DSCAML1: variants seen among roughly 807,000 people sequenced by gnomAD.
The protein encoded by DSCAML1 is DS cell adhesion molecule like 1.
Under a neutral mutation model 200.5 loss-of-function variants are expected in DSCAML1, and 38 were observed. The ratio of observed to expected loss-of-function variants is 0.19; its 90% CI spans 0.15 to 0.25. The LOEUF (loss-of-function observed/expected upper bound fraction) is 0.25. Ranked by LOEUF, DSCAML1 falls within the 10% of genes least tolerant of loss-of-function variation. DSCAML1 has a pLI of 1.00. For synonymous variants in DSCAML1, 1,215 were observed against 1,165.0 expected, an observed-to-expected ratio of 1.04 and a Z score of -0.87; for missense variants, 2,223 against 2,858.8, an observed-to-expected ratio of 0.78 and a Z score of 5.07.
Position 117,525,093 on chromosome 11 carries a change from A to AG in DSCAML1, c.659-11dup. 6.5e-7 allele frequency: 1 copy of AG among 1,527,136 alleles called. No individual in the cohort carries two copies. Among genetic ancestry groups the AG allele is most frequent in the African/African-American group, 1.4e-5 (1 of 72,082 alleles). The allele number at this position is 1,527,136 out of a possible 1,614,324, so 94.6% of individuals were successfully genotyped here. ...ATCGACTCAGCAGGGTCTGGAAGGC[A>AG]GAGAGGGTCGGCAGCCCTGGCCAGC... On this transcript the variant is annotated splice_polypyrimidine_tract_variant and intron_variant, in intron 4 of 32. Transcript: ENST00000651296.
intron 3 of DSCAML1, among the ~76,000 whole-genome samples, chr11:117,676,773 G>A (rs1332231026): frequency 3.9e-5 from 6 of 152,362 alleles, no homozygotes; most frequent in East Asian, 3.9e-4. Flanking sequence ...CCGATGGGAC[G>A]GCACTGGGAG....
intron 3 of DSCAML1, among the ~76,000 whole-genome samples, chr11:117,745,479 T>A (rs2054502640): frequency 6.6e-6 from 1 of 152,172 alleles, no homozygotes; most frequent in African/African-American, 2.4e-5. Flanking sequence ...CCTCTGGCCC[T>A]CTGCCCTTCC....
intron 3 of DSCAML1, among the ~76,000 whole-genome samples, chr11:117,602,315 G>C (rs1261811661): frequency 6.6e-6 from 1 of 152,212 alleles, no homozygotes; most frequent in East Asian, 1.9e-4. Flanking sequence ...ATGAGTGTGT[G>C]TTTCTGCCCT....
chr11:117,482,104 C>T lies in DSCAML1; in HGVS notation c.2418G>A (p.Lys806=). 1 of 1,614,190 alleles carries T rather than the reference C, an allele frequency of 6.2e-7. No individual in the cohort carries two copies. Among genetic ancestry groups the T allele is most frequent in the Non-Finnish European group, 8.5e-7 (1 of 1,180,008 alleles). ...NTTIAIKGHA[K]ELNCTARGER... is the part of the protein sequence containing the mutation. ...CACCCCGTGCCGTGCAGTTTAGCTC[C>T]TTCGCATGGCCCTTGATGGCGATGG... The change falls in exon 12 of 33, where the codon AAG becomes AAA. Residue 806 remains lysine, a synonymous_variant. Transcript: ENST00000651296.
chr11:117,723,683 C>A (rs563706448), intron 3 of DSCAML1, among the ~76,000 whole-genome samples: 1 of 152,294 alleles, frequency 6.6e-6, no homozygotes, highest in East Asian at 1.9e-4. Flanking sequence ...GCAGCAGTCC[C>A]CTGTTTTTCC....
chr11:117,562,904 C>A (rs1333420549), intron 3 of DSCAML1, among the ~76,000 whole-genome samples: 1 of 152,128 alleles, frequency 6.6e-6, no homozygotes, highest in African/African-American at 2.4e-5. Flanking sequence ...GCTATCAGTT[C>A]CTTCTTTCTA....
chr11:117,532,580 C>G (rs557067109), intron 3 of DSCAML1, 58 bp from the exon 4 acceptor site: 43 of 1,548,430 alleles, frequency 2.8e-5, no homozygotes, highest in Admixed American at 3.7e-5. Context: ...GCCTCAGAGG[C>G]AGGGTAGCGT....
At chr11:117,615,593 T>C (rs937281832) in intron 3 of DSCAML1, among the ~76,000 whole-genome samples, 1 of 152,006 alleles carries the variant, frequency 6.6e-6, no homozygotes, top group Non-Finnish European at 1.5e-5. Context: ...CCCCCAGGTG[T>C]TGGTGGTCGC....
chr11:117,754,595 G>A (rs2054656562), intron 3 of DSCAML1, among the ~76,000 whole-genome samples: 1 of 152,136 alleles, frequency 6.6e-6, no homozygotes, highest in African/African-American at 2.4e-5. Context: ...ACCAGCAGAA[G>A]AAGCAAGGAT....
At chr11:117,674,542 T>C (rs756797409) in intron 3 of DSCAML1, among the ~76,000 whole-genome samples, 1 of 152,118 alleles carries the variant, frequency 6.6e-6, no homozygotes, top group Non-Finnish European at 1.5e-5. Flanking sequence ...TGCCAAGCCC[T>C]CTCACTGGAT....
chr11:117,812,645 C>T (rs964588480), intron 1 of DSCAML1, among the ~76,000 whole-genome samples: 3 of 151,960 alleles, frequency 2.0e-5, no homozygotes, highest in African/African-American at 7.2e-5. Context: ...GCTTCACAGA[C>T]AGCCCCCATT....
chr11:117,668,133 A>G (rs1056987359), intron 3 of DSCAML1, among the ~76,000 whole-genome samples: 1 of 152,228 alleles, frequency 6.6e-6, no homozygotes, highest in Non-Finnish European at 1.5e-5. Flanking sequence ...CTCTTTTAAA[A>G]ATATTCTGAA....
upstream of DSCAML1, among the ~76,000 whole-genome samples, chr11:117,799,388 G>T (rs1303704971): frequency 1.3e-5 from 2 of 152,188 alleles, no homozygotes; most frequent in East Asian, 1.9e-4. Context: ...GCTGGAAGTA[G>T]CGGTGGACCC....
intron 2 of DSCAML1, among the ~76,000 whole-genome samples, chr11:117,778,822 A>G (rs2055179858): frequency 6.6e-6 from 1 of 152,214 alleles, no homozygotes; most frequent in Non-Finnish European, 1.5e-5. Flanking sequence ...CAGGGCTCCC[A>G]GCCCAGCACT....
chr11:117,656,544 TATCC>T (rs57037138), intron 3 of DSCAML1, among the ~76,000 whole-genome samples: 165 of 141,420 alleles, frequency 1.2e-3, no homozygotes, highest in Admixed American at 3.7e-3. Context: ...TCTATCTATC[TATCC>T]ATCCATCCAC....
intron 11 of DSCAML1, among the ~76,000 whole-genome samples, chr11:117,500,828 T>C (rs1373608984): frequency 6.6e-6 from 1 of 152,196 alleles, no homozygotes; most frequent in African/African-American, 2.4e-5. Context: ...CTTTGATAGA[T>C]TTATTTTCTT....
chr11:117,441,157 G>A (rs1298986937), intron 21 of DSCAML1, among the ~76,000 whole-genome samples: 1 of 152,128 alleles, frequency 6.6e-6, no homozygotes, highest in Non-Finnish European at 1.5e-5. Context: ...AGCGGGGAGG[G>A]AAGGATGGCT....
At chr11:117,758,530 T>C (rs1423817203) in intron 3 of DSCAML1, among the ~76,000 whole-genome samples, 1 of 151,394 alleles carries the variant, frequency 6.6e-6, no homozygotes, top group East Asian at 2.0e-4. Flanking sequence ...GCCTCCCGAG[T>C]AGCTGGGACT....
chr11:117,749,914 A>G lies in DSCAML1; in HGVS notation c.511+26877T>C, dbSNP rs1591470078. Among the ~76,000 whole-genome samples the G allele has an allele frequency of 2.6e-5, 4 of 152,356 alleles. 1 individual carries two copies. The highest frequency in any genetic ancestry group is 2.6e-4 in the Admixed American group (4 of 15,302). On this transcript the variant is annotated intron_variant, in intron 3 of 32. Transcript: ENST00000651296. The stretch of plus-strand genomic sequence containing the variant: ...GGTTCTTAATAATAGTGGAAGCCCA[A>G]TCTGCCAGTGGAGACTGTAAGCAGG...
Sources: allele counts gnomAD v4.1 joint callset (sites outside exome capture counted in the v4.1 genomes callset), GRCh38; gene constraint gnomAD v4.1.1; transcripts MANE v1.5; gene names NCBI Gene and HGNC (gene_info 2026-07-23, HGNC 2026-07-21).